The following DIS3L2 variants were observed in gnomAD, a reference collection of about 807,000 sequenced individuals.
The protein encoded by DIS3L2 is DIS3-like exonuclease 2.
In DIS3L2, 34 loss-of-function variants were observed where a neutral mutation model predicts 97.5. The observed-to-expected ratio is 0.35, with a 90% CI of 0.27 to 0.46. The LOEUF is 0.46. Ranked by LOEUF, DIS3L2 falls within the 20% of genes least tolerant of loss-of-function variation. The probability of loss-of-function intolerance (pLI) is 1.00; values close to 1 mark genes in which losing one functional copy is unlikely to be tolerated. For missense variants in DIS3L2, 1,038 were observed against 1,146.0 expected, an observed-to-expected ratio of 0.91 and a Z score of 1.36; for synonymous variants, 435 against 445.2, an observed-to-expected ratio of 0.98 and a Z score of 0.29.
At chr2:232,086,150 G>C (rs564127730) in intron 5 of DIS3L2, among the ~76,000 whole-genome samples, 60 of 149,664 alleles carry the variant, frequency 4.0e-4, no homozygotes, top group African/African-American at 1.4e-3. Context: ...ATGTCCATCA[G>C]TGTGTGTGTG....
At chr2:232,048,388 CT>C (rs1344189582) in intron 5 of DIS3L2, among the ~76,000 whole-genome samples, 1 of 151,884 alleles carries the variant, frequency 6.6e-6, no homozygotes, top group Non-Finnish European at 1.5e-5. Flanking sequence ...TTATGAGTTA[CT>C]TCTGGAGCAT....
At chr2:232,145,078 T>C (rs1395094895) in intron 8 of DIS3L2, among the ~76,000 whole-genome samples, 1 of 152,232 alleles carries the variant, frequency 6.6e-6, no homozygotes, top group Non-Finnish European at 1.5e-5. Flanking sequence ...GTCTGTGTAA[T>C]ATTCTGTTTC....
chr2:232,133,849 G>A (rs923820675), intron 7 of DIS3L2, among the ~76,000 whole-genome samples: 14 of 151,870 alleles, frequency 9.2e-5, no homozygotes, highest in Middle Eastern at 3.4e-3. Flanking sequence ...TTAGCTGGGC[G>A]TGGTGGCACA....
chr2:232,320,863 T>C (rs1028719518), intron 14 of DIS3L2, among the ~76,000 whole-genome samples: 1 of 152,126 alleles, frequency 6.6e-6, no homozygotes, highest in Admixed American at 6.5e-5. Context: ...CAACAGCCTA[T>C]GGTCTGCAGA....
chr2:232,283,169 C>T (rs1429978386), intron 13 of DIS3L2, among the ~76,000 whole-genome samples: 1 of 152,188 alleles, frequency 6.6e-6, no homozygotes, highest in Non-Finnish European at 1.5e-5. Context: ...ATCCTCAAGC[C>T]TTTTACCCTT....
chr2:232,161,358 G>A (rs778953609), intron 8 of DIS3L2, among the ~76,000 whole-genome samples: 3 of 152,140 alleles, frequency 2.0e-5, no homozygotes, highest in Admixed American at 1.3e-4. Flanking sequence ...TCCGATGTGA[G>A]CATTTAATGC....
chr2:232,238,451 C>A, intron 10 of DIS3L2, 82 bp from the exon 11 acceptor site: 2 of 1,162,572 alleles, frequency 1.7e-6, no homozygotes, highest in African/African-American at 1.5e-5. Flanking sequence ...CTGGGAGTGA[C>A]ATACATTCTA....
intron 6 of DIS3L2, among the ~76,000 whole-genome samples, chr2:232,098,355 ATTT>A (rs371321680): frequency 1.4e-5 from 2 of 138,662 alleles, no homozygotes; most frequent in Non-Finnish European, 1.5e-5. Context: ...GAGGTTTCTA[ATTT>A]TTTTTTTTTT....
At chr2:232,285,692 C>T (rs1270508861) in intron 13 of DIS3L2, among the ~76,000 whole-genome samples, 2 of 152,176 alleles carry the variant, frequency 1.3e-5, no homozygotes, top group African/African-American at 2.4e-5. Context: ...TATTGCCAGA[C>T]CTTGGGCAGG....
chr2:232,048,229 C>A (rs992076000), intron 5 of DIS3L2, among the ~76,000 whole-genome samples: 1 of 152,176 alleles, frequency 6.6e-6, no homozygotes, highest in Admixed American at 6.5e-5. Context: ...CCTAAAATTA[C>A]TTGTTTTCTT....
chr2:232,136,106 G>T (rs1200939151), intron 7 of DIS3L2, among the ~76,000 whole-genome samples: 1 of 152,140 alleles, frequency 6.6e-6, no homozygotes, highest in Non-Finnish European at 1.5e-5. Flanking sequence ...CACCTACCGT[G>T]TTGTTTGTGT....
intron 13 of DIS3L2, among the ~76,000 whole-genome samples, chr2:232,266,324 A>G (rs975846104): frequency 6.6e-6 from 1 of 152,240 alleles, no homozygotes; most frequent in African/African-American, 2.4e-5. Context: ...TCAGTTAGAG[A>G]GCTGAAGCCC....
intron 6 of DIS3L2, 66 bp downstream of exon 6, chr2:232,087,787 C>G: frequency 7.8e-7 from 1 of 1,276,024 alleles, no homozygotes; most frequent in Non-Finnish European, 1.1e-6. Flanking sequence ...AATTCCCTCT[C>G]TGCTGCAGAG....
intron 6 of DIS3L2, among the ~76,000 whole-genome samples, chr2:232,091,047 C>G (rs908711071): frequency 6.6e-6 from 1 of 152,062 alleles, no homozygotes; most frequent in Non-Finnish European, 1.5e-5. Flanking sequence ...GGCCAAAGAC[C>G]TGGGCCCCTT....
At chr2:231,992,155 A>G (rs1191100680) in intron 1 of DIS3L2, among the ~76,000 whole-genome samples, 1 of 152,102 alleles carries the variant, frequency 6.6e-6, no homozygotes, top group Non-Finnish European at 1.5e-5. Context: ...TAGATGGAAA[A>G]CATGACCCAC....
At chr2:232,213,665 T>G (rs1020896772) in intron 10 of DIS3L2, among the ~76,000 whole-genome samples, 4 of 144,980 alleles carry the variant, frequency 2.8e-5, no homozygotes, top group Admixed American at 6.8e-5. Context: ...TCTGTAGTTT[T>G]TTTTTTTTTT....
Position 232,276,142 on chromosome 2 carries a change from G to T in DIS3L2, c.1659+12702G>T, listed in dbSNP as rs1694133394. On this transcript the variant is annotated intron_variant, in intron 13 of 20. Coordinates refer to ENST00000325385, the MANE Select transcript of DIS3L2 (RefSeq NM_152383.5). This position sits in a 1 kb window ranked among gnomAD's most constrained non-coding sequence, Gnocchi z 4.4. ...CAACAGGTTTCTTATCTGCTTGTCAGCATGAGGCTGGTAGCCTCCTAAATA... is the reference window on the plus strand; with the variant it reads ...CAACAGGTTTCTTATCTGCTTGTCATCATGAGGCTGGTAGCCTCCTAAATA... 6.6e-6 allele frequency among the ~76,000 whole-genome samples: 1 copy of T among 152,248 alleles called. No individual in the cohort carries two copies. The highest frequency in any genetic ancestry group is 2.4e-5 in the African/African-American group (1 of 41,474).
intron 1 of DIS3L2, among the ~76,000 whole-genome samples, chr2:231,972,834 A>G (rs546586698): frequency 2.0e-5 from 3 of 152,316 alleles, no homozygotes; most frequent in Admixed American, 1.3e-4. Flanking sequence ...GTGCACCACC[A>G]TGCCTGGTCC....
At chr2:232,287,352 T>A (rs1005085920) in intron 13 of DIS3L2, among the ~76,000 whole-genome samples, 3 of 150,072 alleles carry the variant, frequency 2.0e-5, no homozygotes, top group Non-Finnish European at 3.0e-5. Flanking sequence ...GAAAGTTTGT[T>A]CATTTTCCTT....
Sources: allele counts gnomAD v4.1 joint callset (sites outside exome capture counted in the v4.1 genomes callset), GRCh38; gene constraint gnomAD v4.1.1; non-coding constraint Gnocchi (gnomAD v3.1); transcripts MANE v1.5; gene names NCBI Gene and HGNC (gene_info 2026-07-23, HGNC 2026-07-21).